Variants in TTC39C observed in about 807,000 individuals in gnomAD.
TTC39C encodes tetratricopeptide repeat domain 39C.
A neutral mutation model predicts 76.3 loss-of-function variants in TTC39C; 33 were observed. The observed-to-expected ratio is 0.43, with a 90% CI of 0.33 to 0.58. The LOEUF is 0.58. TTC39C is among the 20% of genes least tolerant of loss of function. TTC39C has a pLI of 0.04. For missense variants in TTC39C, 595 were observed against 701.4 expected, an observed-to-expected ratio of 0.85 and a Z score of 1.71; for synonymous variants, 254 against 260.6, an observed-to-expected ratio of 0.97 and a Z score of 0.24.
chr18:23,995,860 ACT>A (rs1485016604), intron 1 of TTC39C, among the ~76,000 whole-genome samples: 2 of 152,238 alleles, frequency 1.3e-5, no homozygotes, highest in Admixed American at 6.5e-5. Flanking sequence ...ACAGAGCAAG[ACT>A]CTGTCTCAAA....
intron 3 of TTC39C, among the ~76,000 whole-genome samples, chr18:24,067,947 G>C (rs568688898): frequency 4.6e-5 from 7 of 151,974 alleles, no homozygotes; most frequent in South Asian, 2.1e-4. Context: ...TTCTTTCTAC[G>C]TGTCCTTTTC....
chr18:24,081,145 G>A (rs1166474997), intron 5 of TTC39C, among the ~76,000 whole-genome samples: 4 of 152,176 alleles, frequency 2.6e-5, no homozygotes, highest in Non-Finnish European at 4.4e-5. Flanking sequence ...AGAACAAGGC[G>A]TTGTTCACTA....
rs529412059 is a variant in TTC39C at position 24,083,163 on chromosome 18, C to T, written c.984+82C>T. On this transcript the variant is annotated intron_variant, in intron 6 of 13. Coordinates refer to ENST00000317571, the MANE Select transcript of TTC39C (RefSeq NM_001135993.2). ...TCTCACTTGAGGACTGGTATTAAAACGAGCCAGAATGTCCCAGGGCCCCGG... is the reference window on the plus strand; with the variant it reads ...TCTCACTTGAGGACTGGTATTAAAATGAGCCAGAATGTCCCAGGGCCCCGG... The T allele has an allele frequency of 2.2e-4, 315 of 1,418,850 alleles. 1 individual carries two copies. The highest frequency in any genetic ancestry group is 2.8e-4 in the Non-Finnish European group (293 of 1,062,810). The allele number at this position is 1,418,850 out of a possible 1,614,324, so 87.9% of individuals were successfully genotyped here. A position where few individuals can be genotyped will look rare whatever the true frequency, so the allele number is the denominator to read the frequency against.
At chr18:24,035,662 T>C (rs1027037951) in intron 1 of TTC39C, among the ~76,000 whole-genome samples, 3 of 152,242 alleles carry the variant, frequency 2.0e-5, no homozygotes, top group Non-Finnish European at 4.4e-5. Flanking sequence ...GAGTTCTTTA[T>C]GTATTCTGGA....
At chr18:24,057,522 T>TCATCATTAGAAGTCA (rs58768924) in intron 1 of TTC39C, among the ~76,000 whole-genome samples, 142,106 of 152,216 alleles carry the variant, frequency 0.93, 67,034 homozygotes, top group East Asian at 1. Flanking sequence ...ACATTAGAAG[T>TCATCATTAGAAGTCA]GAATAGTGGT....
Position 24,069,264 on chromosome 18 carries a change from A to G in TTC39C, c.453A>G (p.Glu151=). Residue 151 remains glutamate (E), a synonymous_variant, in exon 4 of 14, where the codon GAA becomes GAG. Coordinates refer to ENST00000317571, the MANE Select transcript of TTC39C (RefSeq NM_001135993.2). ...CTGTGCTTTCATTTGTAAAACAAGA[A>G]TTGTCAGGTATGCTGAAGCATTATT... ...YLAVLSFVKQ[E]LSAYIKGGWI... 7 of 1,612,794 alleles carry G rather than the reference A, an allele frequency of 4.3e-6. No individual in the cohort carries two copies. The highest frequency in any genetic ancestry group is 5.9e-6 in the Non-Finnish European group (7 of 1,178,808).
chr18:24,099,062 C>CATATAACATATATACATAT (rs1160231770), intron 6 of TTC39C, among the ~76,000 whole-genome samples: 2 of 112,288 alleles, frequency 1.8e-5, no homozygotes, highest in African/African-American at 3.2e-5. Context: ...CACGTATATA[C>CATATAACATATATACATAT]ATATAACATA....
At chr18:24,113,314 C>G (rs879505340) in intron 6 of TTC39C, 1 of 483,044 alleles carries the variant, frequency 2.1e-6, no homozygotes, top group Non-Finnish European at 3.7e-6. Context: ...CCTGCTGACT[C>G]ATTGGTGCCC....
chr18:24,128,719 G>A (rs1179692487), intron 10 of TTC39C, among the ~76,000 whole-genome samples, 167 bp from the exon 11 acceptor site: 2 of 152,182 alleles, frequency 1.3e-5, no homozygotes, highest in Non-Finnish European at 2.9e-5. Flanking sequence ...AATTTAATGT[G>A]AAGTCATTTT....
chr18:24,096,933 G>T (rs2084597238), intron 6 of TTC39C, among the ~76,000 whole-genome samples: 1 of 152,278 alleles, frequency 6.6e-6, no homozygotes, highest in African/African-American at 2.4e-5. Flanking sequence ...AACCATGTCA[G>T]TGCAGTCTTT....
intron 1 of TTC39C, among the ~76,000 whole-genome samples, chr18:24,008,942 C>T (rs767962477): frequency 2.0e-5 from 3 of 152,176 alleles, no homozygotes; most frequent in Non-Finnish European, 1.5e-5. Context: ...AGCAAACTCA[C>T]ACAGGAGCAG....
chr18:24,060,826 G>T (rs936706812), intron 1 of TTC39C, among the ~76,000 whole-genome samples: 2 of 152,094 alleles, frequency 1.3e-5, no homozygotes, highest in African/African-American at 4.8e-5. Flanking sequence ...ATATGATTAC[G>T]AAAATAGTTA....
In TTC39C at chr18:24,131,953, C is replaced by A. The variant is rs1384951994; in HGVS notation, c.1662+33C>A. 8 of 1,600,434 alleles carry A rather than the reference C, an allele frequency of 5.0e-6. No homozygotes were observed. In the Admixed American group the frequency reaches 1.2e-4, roughly 24 times the overall value. ...TCCTGAATCTACCTTTCTCCAGTGG[C>A]CCTTCTTATCCCATACACTGTATAC... On this transcript the variant is annotated intron_variant, in intron 13 of 13. Transcript: ENST00000317571.
intron 6 of TTC39C, among the ~76,000 whole-genome samples, chr18:24,090,797 CTTTTTTTTTTT>C (rs1218689781): frequency 1.3e-5 from 1 of 79,526 alleles, no homozygotes; most frequent in Non-Finnish European, 2.4e-5. Flanking sequence ...GATTAATTTA[CTTTTTTTTTTT>C]TTTTTTTTTT....
chr18:24,008,168 C>T (rs2083368383), intron 1 of TTC39C, among the ~76,000 whole-genome samples: 1 of 152,172 alleles, frequency 6.6e-6, no homozygotes, highest in Admixed American at 6.5e-5. Context: ...CCCTCTGTAG[C>T]TCACCCTCAC....
At chr18:24,104,862 C>T (rs557922430) in intron 6 of TTC39C, among the ~76,000 whole-genome samples, 1 of 151,994 alleles carries the variant, frequency 6.6e-6, no homozygotes, top group Non-Finnish European at 1.5e-5. Flanking sequence ...AAACAGTTCC[C>T]TAATTATGCA....
chr18:24,074,622 A>C (rs1288502192), intron 4 of TTC39C, among the ~76,000 whole-genome samples: 2 of 152,168 alleles, frequency 1.3e-5, no homozygotes, highest in African/African-American at 2.4e-5. Context: ...CATAAGTTAG[A>C]ATGGTGATCG....
chr18:24,037,832 T>A (rs1257781256), intron 1 of TTC39C, among the ~76,000 whole-genome samples: 1 of 152,186 alleles, frequency 6.6e-6, no homozygotes, highest in Non-Finnish European at 1.5e-5. Flanking sequence ...AAGGAGACTG[T>A]GGCATTTTAT....
intron 6 of TTC39C, among the ~76,000 whole-genome samples, chr18:24,099,495 A>G (rs1219746180): frequency 6.6e-6 from 1 of 152,008 alleles, no homozygotes; most frequent in African/African-American, 2.4e-5. Flanking sequence ...GCATTCCATA[A>G]CAATGTTATA....
Sources: allele counts gnomAD v4.1 joint callset (sites outside exome capture counted in the v4.1 genomes callset), GRCh38; gene constraint gnomAD v4.1.1; transcripts MANE v1.5; gene names NCBI Gene and HGNC (gene_info 2026-07-23, HGNC 2026-07-21).